Variants in DGKB observed in about 807,000 individuals in gnomAD.
DGKB encodes diacylglycerol kinase beta.
In DGKB, 67 loss-of-function variants were observed where a neutral mutation model predicts 114.3. That is an observed-to-expected ratio of 0.59 (90% confidence interval 0.48 to 0.72). The LOEUF is 0.72. Ranked by LOEUF, DGKB falls within the 30% of genes least tolerant of loss-of-function variation. DGKB has a pLI of 0.00. For synonymous variants in DGKB, 398 were observed against 323.1 expected, an observed-to-expected ratio of 1.23 and a Z score of -2.49; for missense variants, 907 against 975.2, an observed-to-expected ratio of 0.93 and a Z score of 0.93.
intron 21 of DGKB, among the ~76,000 whole-genome samples, chr7:14,373,203 T>C (rs925344239): frequency 1.3e-5 from 2 of 152,198 alleles, no homozygotes; most frequent in African/African-American, 4.8e-5. Flanking sequence ...ATTTGGAACA[T>C]GACAGAGAAT....
intron 13 of DGKB, among the ~76,000 whole-genome samples, chr7:14,639,052 T>G (rs898005795): frequency 2.7e-5 from 4 of 146,590 alleles, no homozygotes; most frequent in Non-Finnish European, 5.9e-5. Flanking sequence ...AATAAATAAA[T>G]AAGTTTATTT....
intron 20 of DGKB, among the ~76,000 whole-genome samples, chr7:14,522,063 G>C (rs1262734314): frequency 6.6e-6 from 1 of 152,078 alleles, no homozygotes; most frequent in Admixed American, 6.6e-5. Context: ...GTGGTAGTGT[G>C]TTGCTGTTAC....
chr7:14,221,224 G>A (rs1789902564), intron 23 of DGKB, among the ~76,000 whole-genome samples: 1 of 150,846 alleles, frequency 6.6e-6, no homozygotes, highest in African/African-American at 2.4e-5. Flanking sequence ...GCACAATGTT[G>A]AATAAAAGTG....
intron 4 of DGKB, among the ~76,000 whole-genome samples, chr7:14,746,076 C>T (rs1273281105): frequency 6.6e-6 from 1 of 152,140 alleles, no homozygotes; most frequent in East Asian, 1.9e-4. Context: ...GCTGGGCATG[C>T]TAGCTCATGC....
rs191033880 is a variant in DGKB, at chr7:14,274,298, T to G, written c.2122+64217A>C. Among the ~76,000 whole-genome samples the G allele has an allele frequency of 2.4e-3, 363 of 152,250 alleles. 1 individual carries two copies. The highest frequency in any genetic ancestry group is 0.01 in the Middle Eastern group (3 of 294). ...AGTGTTTGGAAACAGCCTCCAAATT[T>G]TATTTTATTTTTTCTCTCGGCAACG... On this transcript the variant is annotated intron_variant, in intron 23 of 25. Transcript: ENST00000402815.
intron 20 of DGKB, among the ~76,000 whole-genome samples, chr7:14,554,465 T>G (rs1563494349): frequency 6.6e-6 from 1 of 152,220 alleles, no homozygotes; most frequent in African/African-American, 2.4e-5. Context: ...CTATTATGTC[T>G]TTAAATATGC....
chr7:14,193,772 A>G (rs1048249720), intron 23 of DGKB, among the ~76,000 whole-genome samples: 2 of 151,710 alleles, frequency 1.3e-5, no homozygotes, highest in African/African-American at 4.8e-5. Context: ...AAATGGGAGA[A>G]AATATATGTA....
chr7:14,757,362 A>T (rs966952032), intron 3 of DGKB, among the ~76,000 whole-genome samples: 1 of 152,084 alleles, frequency 6.6e-6, no homozygotes, highest in South Asian at 2.1e-4. Flanking sequence ...TACAATATAG[A>T]AGAGTTATTT....
At chr7:14,935,478 G>T (rs185025575) in intron 1 of DGKB, among the ~76,000 whole-genome samples, 3 of 152,176 alleles carry the variant, frequency 2.0e-5, no homozygotes, top group African/African-American at 4.8e-5. Context: ...ATTTTCTACT[G>T]AATGCATGCA....
chr7:14,551,147 G>A (rs1384554073), intron 20 of DGKB, among the ~76,000 whole-genome samples: 1 of 152,160 alleles, frequency 6.6e-6, no homozygotes, highest in Non-Finnish European at 1.5e-5. Context: ...GAGGCTCTTA[G>A]TGACTGACTA....
intron 20 of DGKB, among the ~76,000 whole-genome samples, chr7:14,499,161 T>A (rs1374791775): frequency 6.6e-6 from 1 of 151,822 alleles, no homozygotes; most frequent in East Asian, 1.9e-4. Context: ...GTTGCTTGAG[T>A]AGTAAAATGT....
chr7:14,647,901 C>T (rs1048863711), intron 13 of DGKB, among the ~76,000 whole-genome samples: 25 of 152,280 alleles, frequency 1.6e-4, no homozygotes, highest in African/African-American at 1.9e-4. Context: ...CCTGGAAAAT[C>T]GGGTCACTCC....
intron 23 of DGKB, among the ~76,000 whole-genome samples, chr7:14,278,969 C>G (rs548299056): frequency 6.6e-6 from 1 of 152,150 alleles, no homozygotes; most frequent in Admixed American, 6.5e-5. Flanking sequence ...ATCTGAGATA[C>G]GGGGTTCATC....
chr7:14,170,202 A>C (rs1780780368), intron 25 of DGKB, among the ~76,000 whole-genome samples: 1 of 144,826 alleles, frequency 6.9e-6, no homozygotes, highest in South Asian at 2.2e-4. Context: ...AGAAAGAAAG[A>C]AATACATTAA....
chr7:14,424,106 C>CATGCAAAA (rs1442214672), intron 21 of DGKB, among the ~76,000 whole-genome samples: 2 of 152,058 alleles, frequency 1.3e-5, no homozygotes, highest in African/African-American at 4.8e-5. Flanking sequence ...CTACGTCTTC[C>CATGCAAAA]ATGCAAAAAC....
intron 2 of DGKB, among the ~76,000 whole-genome samples, chr7:14,787,741 C>T (rs1180009338): frequency 2.6e-5 from 4 of 152,298 alleles, no homozygotes; most frequent in African/African-American, 9.6e-5. Flanking sequence ...CTCCAGGTGA[C>T]GTGAGCATAC....
At chr7:14,237,500 G>A (rs918110505) in intron 23 of DGKB, among the ~76,000 whole-genome samples, 1 of 151,756 alleles carries the variant, frequency 6.6e-6, no homozygotes, top group South Asian at 2.1e-4. Context: ...CACCAAATAG[G>A]CATTAATGTG....
chr7:14,482,923 G>A (rs1042137271), intron 20 of DGKB, among the ~76,000 whole-genome samples: 2 of 152,096 alleles, frequency 1.3e-5, no homozygotes, highest in African/African-American at 4.8e-5. Context: ...AATAGAGCCA[G>A]AAGGTTTTCT....
At chr7:14,772,563 T>C (rs1425128285) in intron 2 of DGKB, among the ~76,000 whole-genome samples, 1 of 152,164 alleles carries the variant, frequency 6.6e-6, no homozygotes, top group Non-Finnish European at 1.5e-5. Context: ...GCATATTTGA[T>C]GAAAATCTTT....
Sources: allele counts gnomAD v4.1 joint callset (sites outside exome capture counted in the v4.1 genomes callset), GRCh38; gene constraint gnomAD v4.1.1; transcripts MANE v1.5; gene names NCBI Gene and HGNC (gene_info 2026-07-23, HGNC 2026-07-21).